The following AGBL4 variants were observed in gnomAD, a reference collection of about 807,000 sequenced individuals.
The protein encoded by AGBL4 is AGBL carboxypeptidase 4, also known as cytosolic carboxypeptidase 6.
A neutral mutation model predicts 66.4 loss-of-function variants in AGBL4; 58 were observed. That is an observed-to-expected ratio of 0.87 (90% CI 0.71 to 1.09). The LOEUF is 1.09. AGBL4 is among the 50% of genes least tolerant of loss of function. The pLI is 0.00. For missense variants in AGBL4, 579 were observed against 631.0 expected (o/e 0.92, Z 0.88); for synonymous variants, 234 against 222.9 (o/e 1.05, Z -0.44).
intron 1 of AGBL4, among the ~76,000 whole-genome samples, chr1:49,913,819 T>C (rs1209602730): frequency 6.6e-6 from 1 of 152,172 alleles, no homozygotes; most frequent in Admixed American, 6.5e-5. Flanking sequence ...GCCACACCTG[T>C]GCCTACTTGA....
At chr1:49,183,313 A>G (rs2148190491) in intron 4 of AGBL4, among the ~76,000 whole-genome samples, 1 of 152,264 alleles carries the variant, frequency 6.6e-6, no homozygotes, top group South Asian at 2.1e-4. Flanking sequence ...TGATTCTGCC[A>G]CCTTCTAGTT....
At chr1:48,797,228 CTTTTA>C (rs1011254449) in intron 6 of AGBL4, among the ~76,000 whole-genome samples, 5 of 152,254 alleles carry the variant, frequency 3.3e-5, no homozygotes, top group Admixed American at 1.3e-4. Flanking sequence ...TAATGACTTT[CTTTTA>C]TTTTAATAGT....
intron 3 of AGBL4, among the ~76,000 whole-genome samples, chr1:49,563,560 A>G (rs1055992499): frequency 1.3e-5 from 2 of 152,102 alleles, no homozygotes; most frequent in Admixed American, 1.3e-4. Context: ...GCATCTATTG[A>G]GATAATCATG....
intron 3 of AGBL4, among the ~76,000 whole-genome samples, chr1:49,364,217 C>T (rs2148541164): frequency 6.6e-6 from 1 of 152,188 alleles, no homozygotes; most frequent in Non-Finnish European, 1.5e-5. Flanking sequence ...TTTAAAAATA[C>T]ATTTAGTGTA....
intron 1 of AGBL4, among the ~76,000 whole-genome samples, chr1:49,956,590 T>C (rs1335485153): frequency 6.6e-6 from 1 of 151,974 alleles, no homozygotes; most frequent in Non-Finnish European, 1.5e-5. Context: ...TAGAAAACTT[T>C]GTTTTGCAAA....
chr1:49,284,108 G>A (rs1205956072), intron 3 of AGBL4, among the ~76,000 whole-genome samples: 17 of 152,128 alleles, frequency 1.1e-4, no homozygotes, highest in Non-Finnish European at 1.9e-4. Context: ...AATGTTAAGG[G>A]AAGCCAGAGA....
chr1:49,894,712 C>T (rs1649010801), intron 1 of AGBL4, among the ~76,000 whole-genome samples: 1 of 152,012 alleles, frequency 6.6e-6, no homozygotes, highest in Admixed American at 6.6e-5. Flanking sequence ...TGAAAACACA[C>T]AGTCAGAGGA....
intron 5 of AGBL4, among the ~76,000 whole-genome samples, chr1:49,033,021 C>T (rs1664354002): frequency 6.6e-6 from 1 of 151,954 alleles, no homozygotes; most frequent in African/African-American, 2.4e-5. Context: ...GTCACAATTC[C>T]CAGCACCTTT....
chr1:49,738,384 G>C (rs1209173003), intron 2 of AGBL4, among the ~76,000 whole-genome samples: 1 of 152,206 alleles, frequency 6.6e-6, no homozygotes. Context: ...GCCCAGGCTT[G>C]AGCAGGTAAA....
intron 3 of AGBL4, among the ~76,000 whole-genome samples, chr1:49,543,494 A>T (rs1220617533): frequency 1.3e-5 from 2 of 152,090 alleles, no homozygotes; most frequent in Non-Finnish European, 2.9e-5. Flanking sequence ...TAGGGCAAGC[A>T]GAAGAAAAGC....
chr1:49,696,751 T>C (rs1157156967), intron 3 of AGBL4, among the ~76,000 whole-genome samples: 1 of 151,942 alleles, frequency 6.6e-6, no homozygotes, highest in Non-Finnish European at 1.5e-5. Flanking sequence ...AAAAGCAAAG[T>C]CAGTACACAG....
intron 3 of AGBL4, among the ~76,000 whole-genome samples, chr1:49,486,147 G>A (rs1647061913): frequency 3.9e-5 from 6 of 151,908 alleles, no homozygotes; most frequent in Admixed American, 3.9e-4. Flanking sequence ...CCCAGAGTCT[G>A]TCTATGCACT....
At chr1:49,580,766 A>T (rs1644526644) in intron 3 of AGBL4, among the ~76,000 whole-genome samples, 1 of 152,080 alleles carries the variant, frequency 6.6e-6, no homozygotes, top group Non-Finnish European at 1.5e-5. Context: ...TGTGAGTCAC[A>T]TGTTTTTCTC....
intron 5 of AGBL4, among the ~76,000 whole-genome samples, chr1:48,904,294 T>C (rs1652374370): frequency 6.6e-6 from 1 of 152,012 alleles, no homozygotes; most frequent in South Asian, 2.1e-4. Flanking sequence ...AATAATACAA[T>C]AAAATGATCT....
At chr1:48,886,575 T>C (rs188587968) in intron 5 of AGBL4, among the ~76,000 whole-genome samples, 1 of 152,070 alleles carries the variant, frequency 6.6e-6, no homozygotes, top group African/African-American at 2.4e-5. Context: ...TTTTTTGAGG[T>C]GGAGTCTCAC....
At chr1:49,874,313 C>A (rs1402757624) in intron 1 of AGBL4, among the ~76,000 whole-genome samples, 6 of 151,916 alleles carry the variant, frequency 3.9e-5, no homozygotes, top group African/African-American at 1.4e-4. Context: ...TATAAAAAGT[C>A]TAAACCATAA....
At chr1:49,380,768 G>A (rs960668141) in intron 3 of AGBL4, among the ~76,000 whole-genome samples, 1 of 152,136 alleles carries the variant, frequency 6.6e-6, no homozygotes, top group African/African-American at 2.4e-5. Context: ...TTAATAAATG[G>A]TGCTGGGAAA....
chr1:49,017,147 T>C (rs949499644), intron 5 of AGBL4, among the ~76,000 whole-genome samples: 1 of 152,186 alleles, frequency 6.6e-6, no homozygotes, highest in African/African-American at 2.4e-5. Flanking sequence ...CTGGTAGAAG[T>C]TACAGATCCT....
At chr1:48,853,682 A>G (rs983342602) in intron 6 of AGBL4, among the ~76,000 whole-genome samples, 2 of 152,216 alleles carry the variant, frequency 1.3e-5, no homozygotes, top group African/African-American at 4.8e-5. Context: ...CTACAAATCA[A>G]TTACAATGAC....
Sources: gnomAD v4.1 joint callset for allele counts (sites outside exome capture counted in the v4.1 genomes callset) on GRCh38, gnomAD v4.1.1 for gene constraint, MANE v1.5 for transcripts, NCBI Gene and HGNC (gene_info 2026-07-23, HGNC 2026-07-21) for gene names.